PCDH11X: variants seen among roughly 807,000 people sequenced by gnomAD.
PCDH11X encodes the protein protocadherin-11 X-linked.
In PCDH11X, 18 loss-of-function variants were observed where a neutral mutation model predicts 53.3. The observed-to-expected ratio is 0.34, with a 90% confidence interval of 0.23 to 0.50. The LOEUF is 0.50. Ranked by LOEUF, PCDH11X falls within the 20% of genes least tolerant of loss-of-function variation. The pLI is 0.98. For synonymous variants in PCDH11X, 279 were observed against 393.3 expected, an observed-to-expected ratio of 0.71 and a Z score of 3.44; for missense variants, 570 against 1,032.4, an observed-to-expected ratio of 0.55 and a Z score of 6.14.
chrX:91,852,299 G>T (rs1454392668), intron 5 of PCDH11X, among the ~76,000 whole-genome samples: 1 of 110,451 alleles, frequency 9.1e-6, no homozygotes, highest in African/African-American at 3.3e-5. Flanking sequence ...ACAGGCATGA[G>T]CTACCATGCC....
chrX:92,011,732 T>C (rs745794162), intron 6 of PCDH11X, among the ~76,000 whole-genome samples: 1 of 111,369 alleles, frequency 9.0e-6, no homozygotes, highest in African/African-American at 3.3e-5. Context: ...ATATACAGAT[T>C]GATAGAAGAC....
Position 91,870,329 on chromosome X carries a change from G to T in PCDH11X, c.541-6452G>T, listed in dbSNP as rs1046476957. Among the ~76,000 whole-genome samples the T allele has an allele frequency of 5.4e-5, 6 of 111,054 alleles. No individual in the cohort carries two copies. In the South Asian group the frequency reaches 1.1e-3, roughly 21 times the overall value. On this transcript the variant is annotated intron_variant, in intron 5 of 10. Coordinates refer to ENST00000682573, the MANE Select transcript of PCDH11X (RefSeq NM_032968.5). The stretch of plus-strand genomic sequence containing the variant: ...CCAGAGTAGTGATAGTGAACACAAG[G>T]CCAGAAAAAATGAAATGGTATTTAT...
chrX:92,442,885 T>A (rs1190006601), intron 9 of PCDH11X, among the ~76,000 whole-genome samples: 4 of 106,915 alleles, frequency 3.7e-5, no homozygotes, highest in Non-Finnish European at 7.7e-5. Context: ...GCTGTTGGCA[T>A]GTGTCTTTTT....
chrX:91,882,539 G>A (rs1939962656), intron 6 of PCDH11X, among the ~76,000 whole-genome samples: 1 of 110,755 alleles, frequency 9.0e-6, no homozygotes, highest in Non-Finnish European at 1.9e-5. Flanking sequence ...CACTGTCTAA[G>A]ACAAGTATTT....
chrX:92,077,868 C>G lies in PCDH11X; in HGVS notation c.3034-123507C>G, dbSNP rs2063799435. On this transcript the variant is annotated intron_variant, in intron 6 of 10. Coordinates refer to ENST00000682573, the MANE Select transcript of PCDH11X (RefSeq NM_032968.5). The stretch of plus-strand genomic sequence containing the variant: ...ATTTCCATTAGTATTTTTGACCTCC[C>G]AAAACTTAAATGAATATTTCACAAA... 2.7e-5 allele frequency among the ~76,000 whole-genome samples: 3 copies of G among 109,444 alleles called. No homozygotes were observed. The Admixed American group carries it at 3.0e-4, about 11-fold the overall frequency.
chrX:91,866,313 T>C (rs1319063272), intron 5 of PCDH11X, among the ~76,000 whole-genome samples: 1 of 111,026 alleles, frequency 9.0e-6, no homozygotes, highest in Non-Finnish European at 1.9e-5. Context: ...TGCCTAAGAG[T>C]TGTAGTCCTT....
In PCDH11X at chrX:92,395,483, C is replaced by T. The variant is rs1275241098; in HGVS notation, c.3343+7550C>T. Among the ~76,000 whole-genome samples, 6 of 111,317 alleles carry T rather than the reference C, an allele frequency of 5.4e-5. No individual in the cohort carries two copies. In the East Asian group the frequency reaches 1.4e-3, roughly 26 times the overall value. On this transcript the variant is annotated intron_variant, in intron 9 of 10. Coordinates refer to ENST00000682573, the MANE Select transcript of PCDH11X (RefSeq NM_032968.5). The stretch of plus-strand genomic sequence containing the variant: ...TAGTCCGTTTACTACAATTAACTAG[C>T]TCTGTGAACTTGGATAGGTCTTTTA...
intron 8 of PCDH11X, among the ~76,000 whole-genome samples, chrX:92,360,473 A>G (rs1054888937): frequency 7.2e-5 from 8 of 110,480 alleles, no homozygotes; most frequent in Non-Finnish European, 1.5e-4. Context: ...GGTCCTATCT[A>G]AATTTGATAT....
intron 7 of PCDH11X, among the ~76,000 whole-genome samples, chrX:92,257,368 G>C (rs1030930379): frequency 9.0e-6 from 1 of 110,723 alleles, no homozygotes; most frequent in Admixed American, 9.6e-5. Flanking sequence ...TTCTGCCCCT[G>C]GCCTCCCCCA....
chrX:91,799,975 C>T (rs1244309140), intron 1 of PCDH11X, among the ~76,000 whole-genome samples: 1 of 112,040 alleles, frequency 8.9e-6, no homozygotes, highest in African/African-American at 3.2e-5. Context: ...TATAATCCCA[C>T]GTACTCGGGA....
intron 6 of PCDH11X, among the ~76,000 whole-genome samples, chrX:92,070,884 C>A (rs978642399): frequency 2.7e-5 from 3 of 111,320 alleles, no homozygotes; most frequent in Non-Finnish European, 3.8e-5. Context: ...ACTGCAACCT[C>A]TGCCTCCTGG....
intron 4 of PCDH11X, among the ~76,000 whole-genome samples, chrX:91,819,709 T>A (rs1168038980): frequency 9.6e-6 from 1 of 103,903 alleles, no homozygotes; most frequent in Non-Finnish European, 2.0e-5. Flanking sequence ...TTAGGGTACA[T>A]GTGCACATTG....
At position 91,890,942 on chromosome X, in the gene PCDH11X, G is replaced by T. The variant is rs1474109208; in HGVS notation, c.3033+11669G>T. 8.5e-5 allele frequency among the ~76,000 whole-genome samples: 9 copies of T among 106,308 alleles called. No homozygotes were observed. In the East Asian group the frequency reaches 9.2e-4, roughly 11 times the overall value. 92.3% of individuals were successfully genotyped at this position (106,308 alleles called of 115,157 possible). On this transcript the variant is annotated intron_variant, in intron 6 of 10. Coordinates refer to ENST00000682573, the MANE Select transcript of PCDH11X (RefSeq NM_032968.5). ...ATAAATCATAGGAATATGATTATGA[G>T]GATACATCCAATTTTCAGATTGGGC...
intron 8 of PCDH11X, among the ~76,000 whole-genome samples, chrX:92,345,902 T>C (rs1286179033): frequency 9.2e-6 from 1 of 108,379 alleles, no homozygotes; most frequent in Non-Finnish European, 1.9e-5. Context: ...TTTTTTTTTT[T>C]CTGATAAAAG....
chrX:92,125,577 G>T (rs113749922), intron 6 of PCDH11X, among the ~76,000 whole-genome samples: 1 of 111,166 alleles, frequency 9.0e-6, no homozygotes, highest in African/African-American at 3.3e-5. Flanking sequence ...CATGATAAAT[G>T]TTTGCCCTTT....
At chrX:92,412,080 G>A (rs754419596) in intron 9 of PCDH11X, among the ~76,000 whole-genome samples, 104 of 73,135 alleles carry the variant, frequency 1.4e-3, no homozygotes, top group Non-Finnish European at 2.0e-3. Context: ...GGAGGAGGAG[G>A]AGGAAGAAGA....
chrX:91,989,972 T>G (rs2147941511), intron 6 of PCDH11X, among the ~76,000 whole-genome samples: 1 of 111,391 alleles, frequency 9.0e-6, no homozygotes, highest in African/African-American at 3.3e-5. Flanking sequence ...TTTTATAGGC[T>G]ATTTTCTTTC....
chrX:92,465,874 T>C (rs1396675711), intron 9 of PCDH11X, among the ~76,000 whole-genome samples: 2 of 110,956 alleles, frequency 1.8e-5, no homozygotes, highest in Non-Finnish European at 3.8e-5. Flanking sequence ...GTTTACTAAT[T>C]AAAATATTTG....
rs557981214 is a variant in PCDH11X, at chrX:91,876,013, G to C, written c.541-768G>C. Among the ~76,000 whole-genome samples the C allele has an allele frequency of 1.2e-3, 135 of 111,485 alleles. 3 individuals carry two copies. In the South Asian group the frequency reaches 0.05, roughly 42 times the overall value. On this transcript the variant is annotated intron_variant, in intron 5 of 10. Transcript: ENST00000682573. ...AGTAAAAAATATTTTAATTCATTTG[G>C]AATAATCTTGGATAATTCGCTTACA...
Sources: gnomAD v4.1 joint callset for allele counts (sites outside exome capture counted in the v4.1 genomes callset) on GRCh38, gnomAD v4.1.1 for gene constraint, MANE v1.5 for transcripts, NCBI Gene and HGNC (gene_info 2026-07-23, HGNC 2026-07-21) for gene names.